MANSC4: variants seen among roughly 807,000 people sequenced by gnomAD.
The protein encoded by MANSC4 is MANSC domain-containing protein 4.
A neutral mutation model predicts 11.4 loss-of-function variants in MANSC4; 11 were observed. The observed-to-expected ratio is 0.97, with a 90% confidence interval of 0.61 to 1.60. The LOEUF is 1.60. Ranked by LOEUF, MANSC4 falls within the 40% of genes most tolerant of loss-of-function variation. The pLI is 0.00. For missense variants in MANSC4, 354 were observed against 404.6 expected (o/e 0.88, Z 1.07); for synonymous variants, 123 against 147.1 (o/e 0.84, Z 1.19).
At chr12:27,773,333 C>G (rs2062107667) in intron 1 of MANSC4, among the ~76,000 whole-genome samples, 1 of 152,134 alleles carries the variant, frequency 6.6e-6, no homozygotes, top group South Asian at 2.1e-4. Context: ...TGGATAACTT[C>G]TTGGGGCCAA....
chr12:27,778,483 C>G lies in MANSC4; in HGVS notation c.-307+1727G>C, dbSNP rs571461934. Among the ~76,000 whole-genome samples, 16 of 151,688 alleles carry G rather than the reference C, an allele frequency of 1.1e-4. No individual in the cohort carries two copies. In the South Asian group the frequency reaches 3.3e-3, roughly 32 times the overall value. On this transcript the variant is annotated intron_variant, in intron 1 of 3. Transcript: ENST00000381273. ...ATGTTAGCATGGTAGGATGTATCTT[C>G]TTTAAATAGGGGAAATGTACTTATG...
At chr12:27,776,212 C>T (rs1293042457) in intron 1 of MANSC4, among the ~76,000 whole-genome samples, 1 of 152,084 alleles carries the variant, frequency 6.6e-6, no homozygotes, top group Non-Finnish European at 1.5e-5. Context: ...CTTCAGCTTC[C>T]TCAGCTGTAA....
At chr12:27,770,305 C>T (rs866839819) in intron 2 of MANSC4, among the ~76,000 whole-genome samples, 152 of 152,198 alleles carry the variant, frequency 1.0e-3, no homozygotes, top group African/African-American at 3.3e-3. Flanking sequence ...CTCAGCCCCC[C>T]GCGTAGCTGG....
At chr12:27,772,459 A>T (rs1174224740) in intron 1 of MANSC4, among the ~76,000 whole-genome samples, 1 of 152,248 alleles carries the variant, frequency 6.6e-6, no homozygotes, top group Admixed American at 6.5e-5. Context: ...CTGTTTCCTA[A>T]TAATAGTCAA....
chr12:27,764,331 A>G (rs570146005), intron 3 of MANSC4, among the ~76,000 whole-genome samples: 5 of 152,130 alleles, frequency 3.3e-5, no homozygotes, highest in African/African-American at 1.2e-4. Context: ...GTTGCTTCTG[A>G]GGTAGTCAAT....
intron 1 of MANSC4, chr12:27,779,830 G>C (rs1019038084): frequency 1.3e-5 from 2 of 151,848 alleles, no homozygotes; most frequent in African/African-American, 4.8e-5. Flanking sequence ...GGCGGAGCCG[G>C]CGCGCCCCGG....
intron 1 of MANSC4, among the ~76,000 whole-genome samples, chr12:27,778,441 C>T (rs868399596): frequency 2.6e-5 from 4 of 152,038 alleles, no homozygotes; most frequent in Admixed American, 1.3e-4. Flanking sequence ...TTAACCCTTT[C>T]TCCTTCCTAA....
intron 1 of MANSC4, among the ~76,000 whole-genome samples, chr12:27,774,404 A>T (rs956048711): frequency 6.6e-6 from 1 of 150,990 alleles, no homozygotes; most frequent in Non-Finnish European, 1.5e-5. Context: ...TACCTGAAAA[A>T]CTTAAATGTT....
At chr12:27,775,003 G>A (rs2062114126) in intron 1 of MANSC4, among the ~76,000 whole-genome samples, 2 of 150,802 alleles carry the variant, frequency 1.3e-5, no homozygotes, top group East Asian at 3.9e-4. Flanking sequence ...CAGCCTGGGC[G>A]ACAGAGCGAG....
Position 27,762,725 on chromosome 12 carries a change from G to C in MANSC4, c.*13C>G. On this transcript the variant is annotated 3_prime_UTR_variant, in exon 4 of 4. Coordinates refer to ENST00000381273, the MANE Select transcript of MANSC4 (RefSeq NM_001146221.5). ...GATATCCTTGAAAGCATATAATCTT[G>C]CTACAGTTTTTACTATGAAGAGTTC... is the stretch of plus-strand genomic sequence containing the variant. 3 of 1,493,230 alleles carry C rather than the reference G, an allele frequency of 2.0e-6. No individual in the cohort carries two copies. The highest frequency in any genetic ancestry group is 2.7e-6 in the Non-Finnish European group (3 of 1,120,656). The allele number at this position is 1,493,230 out of a possible 1,614,324, so 92.5% of individuals were successfully genotyped here. A position where few individuals can be genotyped will look rare whatever the true frequency, so the allele number is the denominator to read the frequency against.
intron 1 of MANSC4, among the ~76,000 whole-genome samples, chr12:27,779,544 C>A (rs901798624): frequency 6.6e-6 from 1 of 152,172 alleles, no homozygotes; most frequent in African/African-American, 2.4e-5. Context: ...TACGCGACCA[C>A]GCTACCAGAG....
chr12:27,769,917 A>G (rs914393134), intron 2 of MANSC4, among the ~76,000 whole-genome samples: 27 of 152,232 alleles, frequency 1.8e-4, no homozygotes, highest in African/African-American at 6.5e-4. Flanking sequence ...TTAGGCAATT[A>G]TAACTTGAAA....
chr12:27,762,693 T>A lies in MANSC4; in HGVS notation c.*45A>T. 7.0e-7 allele frequency: 1 copy of A among 1,428,778 alleles called. No individual in the cohort carries two copies. The highest frequency in any genetic ancestry group is 9.2e-7 in the Non-Finnish European group (1 of 1,082,310). The allele number at this position is 1,428,778 out of a possible 1,614,324, so 88.5% of individuals were successfully genotyped here. On this transcript the variant is annotated 3_prime_UTR_variant, in exon 4 of 4. Transcript: ENST00000381273. Reference sequence around the variant, plus strand: ...CAAACTGCGTTTTCTTACACAAAACTAAAAATGATATCCTTGAAAGCATAT... The same window carrying A: ...CAAACTGCGTTTTCTTACACAAAACAAAAAATGATATCCTTGAAAGCATAT...
chr12:27,770,249 C>T (rs1249587054), intron 2 of MANSC4, among the ~76,000 whole-genome samples: 3 of 152,096 alleles, frequency 2.0e-5, no homozygotes, highest in African/African-American at 7.2e-5. Flanking sequence ...GGTGCGATCT[C>T]GGCTCACTGC....
Position 27,771,193 on chromosome 12 carries a change from A to C in MANSC4, c.84T>G (p.Ile28Met). 1 of 1,552,116 alleles carries C rather than the reference A, an allele frequency of 6.4e-7. No homozygotes were observed. Among genetic ancestry groups the C allele is most frequent in the Non-Finnish European group, 8.7e-7 (1 of 1,147,100 alleles). ...GACGGATCCAGCAGTCTCTGTAAAA[A>C]ATTGTGGGTGAGCAGAGAGAGTCTG... ...WTSDSLCSPT[I>M]FYRDCWIRRF... Residue 28 changes from isoleucine to methionine, a missense_variant, in exon 2 of 4, where the codon ATT (isoleucine) becomes ATG (methionine). Physicochemically the swap from Ile to Met is conservative, Grantham distance 10. Coordinates refer to ENST00000381273, the MANE Select transcript of MANSC4 (RefSeq NM_001146221.5).
At chr12:27,770,433 G>C (rs1207918575) in intron 2 of MANSC4, among the ~76,000 whole-genome samples, 1 of 146,268 alleles carries the variant, frequency 6.8e-6, no homozygotes, top group African/African-American at 2.4e-5. Context: ...CACCCACCTC[G>C]GCCTCCCAAA....
chr12:27,776,026 G>C (rs2062118676), intron 1 of MANSC4, among the ~76,000 whole-genome samples: 1 of 147,524 alleles, frequency 6.8e-6, no homozygotes, highest in East Asian at 2.0e-4. Flanking sequence ...GGAGGCTGAG[G>C]TTGTAGTGAG....
chr12:27,764,620 G>T (rs35816706), intron 3 of MANSC4, among the ~76,000 whole-genome samples: 19,381 of 152,012 alleles, frequency 0.13, 1,424 homozygotes, highest in East Asian at 0.19. Context: ...CAAAGAGATT[G>T]TGCTCAATTG....
chr12:27,772,777 G>A (rs1453651616), intron 1 of MANSC4, among the ~76,000 whole-genome samples: 1 of 152,148 alleles, frequency 6.6e-6, no homozygotes, highest in African/African-American at 2.4e-5. Flanking sequence ...GGAAGGGAAA[G>A]GATGAGTAAC....
Sources: allele counts gnomAD v4.1 joint callset (sites outside exome capture counted in the v4.1 genomes callset), GRCh38; gene constraint gnomAD v4.1.1; transcripts MANE v1.5; gene names NCBI Gene and HGNC (gene_info 2026-07-23, HGNC 2026-07-21).